HIVEP3: variants seen among roughly 807,000 people sequenced by gnomAD.
HIVEP3 encodes HIVEP zinc finger 3.
In HIVEP3, 49 loss-of-function variants were observed where a neutral mutation model predicts 152.8. That is an observed-to-expected ratio of 0.32 (90% CI 0.26 to 0.41). The LOEUF (loss-of-function observed/expected upper bound fraction) is 0.41. HIVEP3 is among the 10% of genes least tolerant of loss of function. HIVEP3 has a pLI of 1.00. For missense variants in HIVEP3, 2,790 were observed against 3,103.3 expected, an observed-to-expected ratio of 0.90 and a Z score of 2.40; for synonymous variants, 1,269 against 1,289.0, an observed-to-expected ratio of 0.98 and a Z score of 0.33.
At chr1:41,995,823 T>C (rs1053571354) in intron 1 of HIVEP3, among the ~76,000 whole-genome samples, 1 of 152,180 alleles carries the variant, frequency 6.6e-6, no homozygotes, top group East Asian at 1.9e-4. Flanking sequence ...GTTCATCTCT[T>C]TTTCCTTCAG....
intron 1 of HIVEP3, among the ~76,000 whole-genome samples, chr1:41,814,150 C>T (rs555159200): frequency 6.6e-6 from 1 of 152,202 alleles, no homozygotes; most frequent in Admixed American, 6.5e-5. Flanking sequence ...TGGGACCTTG[C>T]TTTTAGGCCA....
chr1:41,728,354 C>A (rs1558216738), intron 1 of HIVEP3, among the ~76,000 whole-genome samples: 1 of 152,108 alleles, frequency 6.6e-6, no homozygotes, highest in Non-Finnish European at 1.5e-5. Context: ...GAGTGCCCAG[C>A]CTAGAGGGGA....
chr1:42,002,701 T>C (rs950634194), intron 1 of HIVEP3, among the ~76,000 whole-genome samples: 18 of 152,156 alleles, frequency 1.2e-4, no homozygotes, highest in African/African-American at 4.3e-4. Context: ...CAAGGGCCAG[T>C]CAGATGGACC....
chr1:41,900,450 T>C (rs1644601896), intron 1 of HIVEP3, among the ~76,000 whole-genome samples: 1 of 152,116 alleles, frequency 6.6e-6, no homozygotes, highest in Admixed American at 6.5e-5. Context: ...GTTTTAGAAT[T>C]TTTGGTGCAA....
chr1:41,730,039 C>T (rs768685105), intron 1 of HIVEP3, among the ~76,000 whole-genome samples: 4 of 152,164 alleles, frequency 2.6e-5, no homozygotes, highest in Admixed American at 1.3e-4. Context: ...TCCAGCTAGT[C>T]GGGGTTGAGC....
At chr1:41,658,263 GTTTGTC>G in intron 2 of HIVEP3, among the ~76,000 whole-genome samples, 1 of 152,266 alleles carries the variant, frequency 6.6e-6, no homozygotes, top group Non-Finnish European at 1.5e-5. Context: ...GCATGTGAAG[GTTTGTC>G]TTTGTTAATG....
At chr1:41,833,002 G>A (rs514283) in intron 1 of HIVEP3, among the ~76,000 whole-genome samples, 58,020 of 152,110 alleles carry the variant, frequency 0.38, 12,641 homozygotes, top group East Asian at 0.8. Context: ...GAACAAATGA[G>A]GGCTCTGGTC....
intron 3 of HIVEP3, among the ~76,000 whole-genome samples, chr1:41,623,651 T>C (rs942330767): frequency 6.6e-6 from 1 of 152,138 alleles, no homozygotes; most frequent in African/African-American, 2.4e-5. Context: ...TGGGTTTCAT[T>C]CCTGGGTCTG....
chr1:41,560,078 A>G (rs540410368), intron 5 of HIVEP3, among the ~76,000 whole-genome samples: 1 of 152,266 alleles, frequency 6.6e-6, no homozygotes, highest in African/African-American at 2.4e-5. Flanking sequence ...GGGTGGCACT[A>G]TCCGGAATTT....
chr1:41,871,221 T>C (rs537268321), intron 1 of HIVEP3, among the ~76,000 whole-genome samples: 1 of 152,318 alleles, frequency 6.6e-6, no homozygotes, highest in South Asian at 2.1e-4. Flanking sequence ...GCTTTACCTA[T>C]AGAGGTGATG....
Position 41,918,175 on chromosome 1 carries a change from C to G in HIVEP3, c.-801+238G>C, listed in dbSNP as rs925128115. Among the ~76,000 whole-genome samples, 5 of 151,422 alleles carry G rather than the reference C, an allele frequency of 3.3e-5. No individual in the cohort carries two copies. The highest frequency in any genetic ancestry group is 7.4e-5 in the Non-Finnish European group (5 of 67,746). Reference sequence around the variant, plus strand: ...GGGTCACTTGAGGCTCGCGCCGCTCCCCAGCACCAGGCCGAGCAGCGCGCT... The same window carrying G: ...GGGTCACTTGAGGCTCGCGCCGCTCGCCAGCACCAGGCCGAGCAGCGCGCT... On this transcript the variant is annotated intron_variant, in intron 1 of 8. Coordinates refer to ENST00000372583, the MANE Select transcript of HIVEP3 (RefSeq NM_024503.5). The surrounding 1 kb of genome is among the most constrained non-coding windows in gnomAD (Gnocchi z 4.3).
chr1:41,753,701 AT>A (rs1260767722), intron 1 of HIVEP3, among the ~76,000 whole-genome samples: 47 of 151,624 alleles, frequency 3.1e-4, no homozygotes, highest in Non-Finnish European at 4.9e-4. Context: ...AAATAAATAA[AT>A]AAATAAAAAT....
Position 41,785,883 on chromosome 1 carries a change from T to C in HIVEP3, c.-800-84888A>G, listed in dbSNP as rs376571422. On this transcript the variant is annotated intron_variant, in intron 1 of 8. Transcript: ENST00000372583. ...TGGTGGCAGGTGCCTGTAATCCCAG[T>C]TACTCAGGAGGCTGAGGAAGAAGAA... 2.0e-5 allele frequency among the ~76,000 whole-genome samples: 3 copies of C among 152,178 alleles called. No homozygotes were observed. The East Asian group carries it at 5.8e-4, about 29-fold the overall frequency.
At chr1:41,865,508 A>G (rs6678302) in intron 1 of HIVEP3, 81,496 of 151,972 alleles carry the variant, frequency 0.54, 21,912 homozygotes, top group South Asian at 0.65. Context: ...ACACAGACAC[A>G]CTCTTGGGTC....
At chr1:41,531,950 G>A (rs1347358459) in intron 5 of HIVEP3, among the ~76,000 whole-genome samples, 14 of 130,538 alleles carry the variant, frequency 1.1e-4, no homozygotes, top group Non-Finnish European at 1.7e-5. Flanking sequence ...ATGGAGGACA[G>A]GAGAAATGGA....
At chr1:41,824,812 GAGAGAGAA>G (rs1459801867) in intron 1 of HIVEP3, among the ~76,000 whole-genome samples, 333 of 10,322 alleles carry the variant, frequency 0.032, 8 homozygotes, top group African/African-American at 0.06. Context: ...GAGAGAGAGA[GAGAGAGAA>G]AGAGAGAGAG....
At chr1:41,611,427 G>T (rs1644894970) in intron 3 of HIVEP3, among the ~76,000 whole-genome samples, 2 of 152,272 alleles carry the variant, frequency 1.3e-5, no homozygotes, top group African/African-American at 4.8e-5. Flanking sequence ...CATGTGCCAG[G>T]CTCTCTGCCG....
intron 1 of HIVEP3, among the ~76,000 whole-genome samples, chr1:41,947,983 G>A (rs886402313): frequency 3.3e-5 from 5 of 152,230 alleles, no homozygotes; most frequent in Admixed American, 6.5e-5. Flanking sequence ...CCAGTGCCGC[G>A]ACTGCGCACT....
chr1:41,785,658 A>G (rs1416955522), intron 1 of HIVEP3, among the ~76,000 whole-genome samples: 1 of 152,238 alleles, frequency 6.6e-6, no homozygotes, highest in Non-Finnish European at 1.5e-5. Context: ...GCTGTATACA[A>G]ATTTTGATGC....
Sources: gnomAD v4.1 joint callset for allele counts (sites outside exome capture counted in the v4.1 genomes callset) on GRCh38, gnomAD v4.1.1 for gene constraint, Gnocchi (gnomAD v3.1) non-coding constraint, MANE v1.5 for transcripts, NCBI Gene and HGNC (gene_info 2026-07-23, HGNC 2026-07-21) for gene names.